PCDH15: variants seen among roughly 807,000 people sequenced by gnomAD.
The protein encoded by PCDH15 is protocadherin-15.
PCDH15 carries 129 observed loss-of-function variants against 178.5 expected under a neutral mutation model. The observed-to-expected ratio is 0.72, with a 90% CI of 0.63 to 0.84. The LOEUF (loss-of-function observed/expected upper bound fraction) is 0.84, where lower values mean the gene tolerates loss of function less well. Ranked by LOEUF, PCDH15 falls within the 40% of genes least tolerant of loss-of-function variation. The probability of loss-of-function intolerance (pLI) is 0.00; values close to 1 mark genes in which losing one functional copy is unlikely to be tolerated. For synonymous variants in PCDH15, 800 were observed against 732.0 expected (o/e 1.09, Z -1.50); for missense variants, 2,230 against 2,099.9 (o/e 1.06, Z -1.21).
intron 3 of PCDH15, among the ~76,000 whole-genome samples, chr10:54,525,836 G>C (rs2083310083): frequency 6.6e-6 from 1 of 152,162 alleles, no homozygotes; most frequent in Non-Finnish European, 1.5e-5. Context: ...GTTTCCCTTA[G>C]ATTTTTAAGA....
intron 2 of PCDH15, among the ~76,000 whole-genome samples, chr10:54,944,328 GTT>G (rs1217976326): frequency 6.6e-6 from 1 of 152,006 alleles, no homozygotes; most frequent in Non-Finnish European, 1.5e-5. Flanking sequence ...GATGCAAAAG[GTT>G]TCTGTGAATT....
At chr10:54,832,142 T>C (rs937323688) in intron 3 of PCDH15, among the ~76,000 whole-genome samples, 1 of 152,038 alleles carries the variant, frequency 6.6e-6, no homozygotes, top group Non-Finnish European at 1.5e-5. Flanking sequence ...GATGGGCTCA[T>C]GAAAAACCTA....
At chr10:53,828,207 CAAAAAAAAAAAAAAAAAAA>C (rs71004480) in intron 31 of PCDH15, among the ~76,000 whole-genome samples, 3 of 53,754 alleles carry the variant, frequency 5.6e-5, no homozygotes, top group African/African-American at 2.2e-4. Context: ...AAGTCCGTCT[CAAAAAAAAAAAAAAAAAAA>C]AAAAAAAAAA....
intron 2 of PCDH15, among the ~76,000 whole-genome samples, chr10:54,565,570 T>C (rs1209712372): frequency 1.3e-5 from 2 of 152,152 alleles, no homozygotes; most frequent in East Asian, 1.9e-4. Context: ...AGGATGATGA[T>C]GATGTCAACA....
At chr10:54,864,290 G>A (rs1953897294) in intron 3 of PCDH15, among the ~76,000 whole-genome samples, 1 of 152,070 alleles carries the variant, frequency 6.6e-6, no homozygotes, top group South Asian at 2.1e-4. Context: ...GCAGGATAAA[G>A]TAGAGAAGAG....
At chr10:54,461,981 A>G (rs1258076796) in intron 3 of PCDH15, among the ~76,000 whole-genome samples, 1 of 152,076 alleles carries the variant, frequency 6.6e-6, no homozygotes, top group Non-Finnish European at 1.5e-5. Context: ...AAAATCTTAG[A>G]GAAATTTAAC....
At position 54,731,567 on chromosome 10, in the gene PCDH15, C is replaced by CAT. The variant is rs1566067798; in HGVS notation, c.-28-67278_-28-67277insAT. Among the ~76,000 whole-genome samples the CAT allele has an allele frequency of 6.8e-4, 27 of 39,710 alleles. 3 individuals carry two copies. Among genetic ancestry groups the CAT allele is most frequent in the African/African-American group, 2.0e-3 (25 of 12,626 alleles). The allele number at this position is 39,710 out of a possible 152,430, so 26.1% of individuals were successfully genotyped here. ...ATAGATATATATATATATATATACA[C>CAT]ACACACACACACACACACACACACA... On this transcript the variant is annotated intron_variant, in intron 1 of 37. Transcript: ENST00000644397.
At chr10:54,680,848 T>G (rs2094886786) in intron 1 of PCDH15, among the ~76,000 whole-genome samples, 1 of 152,098 alleles carries the variant, frequency 6.6e-6, no homozygotes, top group African/African-American at 2.4e-5. Context: ...TTATCCAGTC[T>G]TGGGTATGTC....
At chr10:54,683,463 C>T (rs2094936666) in intron 1 of PCDH15, among the ~76,000 whole-genome samples, 1 of 152,064 alleles carries the variant, frequency 6.6e-6, no homozygotes, top group Non-Finnish European at 1.5e-5. Context: ...AATGGACAAG[C>T]ATTTGAGGGG....
chr10:54,935,546 T>C (rs1837882701), intron 2 of PCDH15, among the ~76,000 whole-genome samples: 2 of 152,148 alleles, frequency 1.3e-5, no homozygotes. Context: ...TGTGCACCTC[T>C]GGTAACTTCA....
chr10:55,480,686 T>A (rs1210696444), intron 2 of PCDH15, among the ~76,000 whole-genome samples: 1 of 151,916 alleles, frequency 6.6e-6, no homozygotes, highest in Non-Finnish European at 1.5e-5. Flanking sequence ...GAAGCCTATT[T>A]AATCATGGTG....
intron 25 of PCDH15, among the ~76,000 whole-genome samples, chr10:53,915,762 G>A (rs1261100750): frequency 6.6e-6 from 1 of 152,118 alleles, no homozygotes; most frequent in Non-Finnish European, 1.5e-5. Flanking sequence ...GTTTCACTGT[G>A]TTGTCCAGGC....
intron 32 of PCDH15, chr10:53,821,518 C>T (rs1200197333): frequency 8.6e-6 from 9 of 1,043,154 alleles, no homozygotes; most frequent in African/African-American, 3.4e-5. Context: ...GTAAATGTTA[C>T]TGCATCCACA....
chr10:54,731,559 TATATACAC>T (rs1943368886), intron 1 of PCDH15, among the ~76,000 whole-genome samples: 1 of 50,568 alleles, frequency 2.0e-5, no homozygotes, highest in Non-Finnish European at 4.4e-5. Flanking sequence ...TATATATATA[TATATACAC>T]ACACACACAC....
At chr10:53,825,186 AAG>A (rs1396736073) in intron 32 of PCDH15, 4 of 1,517,090 alleles carry the variant, frequency 2.6e-6, no homozygotes, top group Admixed American at 4.6e-5. Flanking sequence ...GATAGAAAAA[AAG>A]AAGTTTTTAC....
chr10:55,538,378 C>A (rs926906452), intron 2 of PCDH15, among the ~76,000 whole-genome samples: 1 of 146,592 alleles, frequency 6.8e-6, no homozygotes, highest in Admixed American at 6.8e-5. Context: ...AAAGCTTTTC[C>A]TTCCTTCCTT....
intron 15 of PCDH15, among the ~76,000 whole-genome samples, chr10:54,112,892 A>G (rs1335790959): frequency 6.6e-6 from 1 of 152,194 alleles, no homozygotes; most frequent in Non-Finnish European, 1.5e-5. Flanking sequence ...TTCAAAGGAG[A>G]GCACTATTGC....
At chr10:54,600,457 A>G in intron 2 of PCDH15, 1 of 578,940 alleles carries the variant, frequency 1.7e-6, no homozygotes, top group Non-Finnish European at 3.4e-6. Context: ...AGCAGATGAA[A>G]AGAAGGGGGA....
chr10:55,244,884 A>G (rs769499636), intron 1 of PCDH15, among the ~76,000 whole-genome samples: 9 of 151,802 alleles, frequency 5.9e-5, no homozygotes, highest in Non-Finnish European at 1.3e-4. Context: ...TGGTAAGTCT[A>G]ATTTTTGCTG....
Sources: allele counts gnomAD v4.1 joint callset (sites outside exome capture counted in the v4.1 genomes callset), GRCh38; gene constraint gnomAD v4.1.1; transcripts MANE v1.5; gene names NCBI Gene and HGNC (gene_info 2026-07-23, HGNC 2026-07-21).